The following RHAG variants were observed in gnomAD, a reference collection of about 807,000 sequenced individuals.
RHAG encodes ammonium transporter Rh type A.
In RHAG, 25 loss-of-function variants were observed where a neutral mutation model predicts 42.4. That is an observed-to-expected ratio of 0.59 (90% CI 0.43 to 0.82). The LOEUF is 0.82. Ranked by LOEUF, RHAG falls within the 40% of genes least tolerant of loss-of-function variation. The pLI, the probability that RHAG is intolerant of heterozygous loss-of-function variation, is 0.00. For missense variants in RHAG, 483 were observed against 504.6 expected, an observed-to-expected ratio of 0.96 and a Z score of 0.41; for synonymous variants, 182 against 177.7, an observed-to-expected ratio of 1.02 and a Z score of -0.19.
At chr6:49,614,049 CTCAG>C (rs1370519564) in intron 5 of RHAG, among the ~76,000 whole-genome samples, 26 of 152,146 alleles carry the variant, frequency 1.7e-4, no homozygotes, top group African/African-American at 6.3e-4. Context: ...GAAATCTTTT[CTCAG>C]AACTTGGGAG....
rs1200032295 is a variant in RHAG, at chr6:49,636,713, C to T, written c.100G>A (p.Glu34Lys). The change falls in exon 1 of 10, where the codon GAG becomes AAG. Residue 34 changes from glutamate (E) to lysine (K), a missense_variant. Coordinates refer to ENST00000371175, the MANE Select transcript of RHAG (RefSeq NM_000324.3). ...GTTGGCTTGGTGATGTTGAGCTGCT[C>T]GAGAACAGTCTGGTCCGTTTCATAC... Reference protein sequence around the residue: ...VEYETDQTVLEQLNITKPTDM... With the variant: ...VEYETDQTVLKQLNITKPTDM... 4.3e-6 allele frequency: 7 copies of T among 1,613,934 alleles called. No homozygotes were observed. The highest frequency in any genetic ancestry group is 1.6e-4 in the Middle Eastern group (1 of 6,062).
intron 3 of RHAG, among the ~76,000 whole-genome samples, chr6:49,616,154 G>A (rs1017909181): frequency 1.3e-5 from 2 of 152,076 alleles, no homozygotes; most frequent in Non-Finnish European, 2.9e-5. Flanking sequence ...AGACATGCAA[G>A]GTTGCTTCTC....
intron 1 of RHAG, among the ~76,000 whole-genome samples, chr6:49,628,053 A>G (rs996627651): frequency 1.3e-5 from 2 of 151,768 alleles, no homozygotes; most frequent in African/African-American, 2.4e-5. Flanking sequence ...CTTTTCCTCT[A>G]TTTCCTATAT....
intron 1 of RHAG, among the ~76,000 whole-genome samples, chr6:49,627,094 C>A (rs192772357): frequency 6.6e-6 from 1 of 152,212 alleles, no homozygotes; most frequent in Non-Finnish European, 1.5e-5. Context: ...GCCCTGGTGA[C>A]ATTTTCCACA....
At chr6:49,635,166 C>T (rs1762991785) in intron 1 of RHAG, among the ~76,000 whole-genome samples, 1 of 151,178 alleles carries the variant, frequency 6.6e-6, no homozygotes, top group African/African-American at 2.4e-5. Flanking sequence ...TGTTTAGTGA[C>T]TTTCCTTCAA....
intron 1 of RHAG, among the ~76,000 whole-genome samples, chr6:49,627,155 C>A (rs1385836369): frequency 6.6e-6 from 1 of 152,208 alleles, no homozygotes. Flanking sequence ...ATGTAAATTT[C>A]TGCAGCTGTC....
At chr6:49,628,669 T>C (rs1169042490) in intron 1 of RHAG, among the ~76,000 whole-genome samples, 1 of 150,602 alleles carries the variant, frequency 6.6e-6, no homozygotes, top group Non-Finnish European at 1.5e-5. Flanking sequence ...TTCCTCCTGG[T>C]GGGCTCATGG....
chr6:49,613,066 C>A (rs908759165), intron 5 of RHAG, among the ~76,000 whole-genome samples: 7 of 149,252 alleles, frequency 4.7e-5, no homozygotes, highest in Non-Finnish European at 1.0e-4. Context: ...GAAAGAGGAA[C>A]TGATTTTTTT....
intron 5 of RHAG, among the ~76,000 whole-genome samples, chr6:49,613,133 G>A (rs974341389): frequency 1.9e-4 from 29 of 150,910 alleles, no homozygotes; most frequent in African/African-American, 5.6e-4. Flanking sequence ...GCAGCAGCGC[G>A]ATCTTGGCTC....
intron 1 of RHAG, among the ~76,000 whole-genome samples, chr6:49,625,603 A>G (rs1371557981): frequency 2.0e-5 from 3 of 152,220 alleles, no homozygotes; most frequent in Non-Finnish European, 4.4e-5. Flanking sequence ...CACCATCATC[A>G]TCACCATCAC....
Position 49,619,169 on chromosome 6 carries a change from G to A in RHAG, c.341+10C>T, listed in dbSNP as rs746494485. The A allele has an allele frequency of 2.5e-6, 4 of 1,613,606 alleles. No homozygotes were observed. Among genetic ancestry groups the A allele is most frequent in the South Asian group, 1.1e-5 (1 of 91,068 alleles). On this transcript the variant is annotated intron_variant, in intron 2 of 9. Coordinates refer to ENST00000371175, the MANE Select transcript of RHAG (RefSeq NM_000324.3). ...GATGCAAACATTCAGCCCACAGTAAGGATGCTCACTTTTTGATTCCAATGT... is the reference window on the plus strand; with the variant it reads ...GATGCAAACATTCAGCCCACAGTAAAGATGCTCACTTTTTGATTCCAATGT...
intron 5 of RHAG, 120 bp downstream of exon 5, chr6:49,614,567 A>G (rs1032983318): frequency 1.6e-4 from 135 of 865,550 alleles, no homozygotes; most frequent in Non-Finnish European, 2.5e-4. Flanking sequence ...AACATTCTAC[A>G]AGGTCTGCTT....
intron 1 of RHAG, among the ~76,000 whole-genome samples, chr6:49,629,830 C>T (rs2127358026): frequency 6.7e-6 from 1 of 148,452 alleles, no homozygotes; most frequent in African/African-American, 2.5e-5. Context: ...CAGGGCCAGC[C>T]GGCTGCTCCG....
intron 2 of RHAG, 43 bp downstream of exon 2, chr6:49,619,136 T>G (rs1335445704): frequency 1.9e-6 from 3 of 1,601,500 alleles, no homozygotes; most frequent in Non-Finnish European, 2.6e-6. Context: ...AATATATGAA[T>G]TCTGGAGGAT....
At chr6:49,615,372 CAAAGTTT>C in intron 4 of RHAG, 1 of 339,500 alleles carries the variant, frequency 2.9e-6, no homozygotes, top group East Asian at 5.8e-5. Flanking sequence ...CTCATTTTTT[CAAAGTTT>C]AATTGAATTT....
At chr6:49,636,589 A>G in intron 1 of RHAG, 67 bp downstream of exon 1, 1 of 1,491,086 alleles carries the variant, frequency 6.7e-7, no homozygotes, top group East Asian at 2.3e-5. Flanking sequence ...ATAGTATTCA[A>G]TTGTTTTACA....
chr6:49,614,813 C>T lies in RHAG; in HGVS notation c.681G>A (p.Ser227=), dbSNP rs377601622. Residue 227 remains serine, a synonymous_variant, in exon 5 of 10, where the codon TCG becomes TCA. Coordinates refer to ENST00000371175, the MANE Select transcript of RHAG (RefSeq NM_000324.3). ...FLWMFWPSFN[S]AIAEPGDKQC... ...GTTTGTCTCCAGGTTCAGCAATGGC[C>T]GAGTTAAAGCTGGGCCAAAACATCC... 92 of 1,613,986 alleles carry T rather than the reference C, an allele frequency of 5.7e-5. No homozygotes were observed. The highest frequency in any genetic ancestry group is 2.5e-4 in the East Asian group (11 of 44,890).
Position 49,615,780 on chromosome 6 carries a change from C to G in RHAG, c.493-9G>C. On this transcript the variant is annotated splice_polypyrimidine_tract_variant and intron_variant, in intron 3 of 9. Coordinates refer to ENST00000371175, the MANE Select transcript of RHAG (RefSeq NM_000324.3). ...GCTCCAATGTCAGAGGCCTGAGGGA[C>G]AAAATAGCATTCACATAAATAGAGG... 1 of 1,613,700 alleles carries G rather than the reference C, an allele frequency of 6.2e-7. No homozygotes were observed. The highest frequency in any genetic ancestry group is 8.5e-7 in the Non-Finnish European group (1 of 1,179,810).
At chr6:49,631,465 C>A (rs990074379) in intron 1 of RHAG, among the ~76,000 whole-genome samples, 1 of 152,064 alleles carries the variant, frequency 6.6e-6, no homozygotes, top group Non-Finnish European at 1.5e-5. Context: ...CTTATTGAAT[C>A]CCTTTTTCCT....
Sources: allele counts gnomAD v4.1 joint callset (sites outside exome capture counted in the v4.1 genomes callset), GRCh38; gene constraint gnomAD v4.1.1; transcripts MANE v1.5; gene names NCBI Gene and HGNC (gene_info 2026-07-23, HGNC 2026-07-21).